PRDM6: variants seen among roughly 807,000 people sequenced by gnomAD.
PRDM6 encodes PR/SET domain 6.
A neutral mutation model predicts 60.8 loss-of-function variants in PRDM6; 25 were observed. That is an observed-to-expected ratio of 0.41 (90% CI 0.30 to 0.57). The LOEUF is 0.57. Among genes scored for constraint, PRDM6 ranks in the 20% least tolerant of loss-of-function variants. The pLI is 0.27. For missense variants in PRDM6, 839 were observed against 821.3 expected, an observed-to-expected ratio of 1.02 and a Z score of -0.26; for synonymous variants, 407 against 357.4, an observed-to-expected ratio of 1.14 and a Z score of -1.57.
chr5:123,126,643 T>C, intron 3 of PRDM6, among the ~76,000 whole-genome samples: 1 of 152,188 alleles, frequency 6.6e-6, no homozygotes, highest in East Asian at 1.9e-4. Flanking sequence ...TTTTGTCTGT[T>C]TAAGCAAGAT....
At chr5:123,150,081 A>G (rs71594332) in intron 3 of PRDM6, among the ~76,000 whole-genome samples, 3 of 152,156 alleles carry the variant, frequency 2.0e-5, no homozygotes, top group East Asian at 1.9e-4. Flanking sequence ...AAGGCTGGCT[A>G]TGTTCTTTGA....
intron 3 of PRDM6, among the ~76,000 whole-genome samples, chr5:123,141,774 AAAT>A (rs1469145248): frequency 1.3e-5 from 2 of 152,170 alleles, no homozygotes; most frequent in East Asian, 3.8e-4. Flanking sequence ...CACCAATAGA[AAAT>A]AATGATAATG....
At chr5:123,111,767 C>T (rs1386234638) in intron 3 of PRDM6, among the ~76,000 whole-genome samples, 6 of 151,836 alleles carry the variant, frequency 4.0e-5, no homozygotes, top group African/African-American at 1.2e-4. Context: ...TGGTTGTTTG[C>T]CCCGCTTCCT....
intron 3 of PRDM6, among the ~76,000 whole-genome samples, chr5:123,145,739 T>C (rs1025034070): frequency 3.3e-5 from 5 of 152,166 alleles, no homozygotes; most frequent in African/African-American, 1.2e-4. Context: ...TCTAAAAATA[T>C]GTTTTCTGTC....
chr5:123,187,631 C>G lies in PRDM6; in HGVS notation c.*430C>G, dbSNP rs1259722784. On this transcript the variant is annotated 3_prime_UTR_variant, in exon 8 of 8. Transcript: ENST00000407847. The stretch of plus-strand genomic sequence containing the variant: ...TGTTTCATGGGGACCCACTGTACAG[C>G]CCTTCATTCTGCTGTGTCAGTTTGG... The G allele has an allele frequency of 5.9e-6, 1 of 169,324 alleles. No individual in the cohort carries two copies. The highest frequency in any genetic ancestry group is 1.3e-5 in the Non-Finnish European group (1 of 78,270). The allele number at this position is 169,324 out of a possible 1,614,324, so 10.5% of individuals were successfully genotyped here.
chr5:123,119,434 A>G (rs2150216978), intron 3 of PRDM6, among the ~76,000 whole-genome samples: 1 of 152,320 alleles, frequency 6.6e-6, no homozygotes, highest in South Asian at 2.1e-4. Context: ...TCAGGCGCCC[A>G]CTGCAGGAAG....
At chr5:123,165,499 T>G (rs933384733) in intron 5 of PRDM6, among the ~76,000 whole-genome samples, 1 of 152,222 alleles carries the variant, frequency 6.6e-6, no homozygotes, top group Non-Finnish European at 1.5e-5. Context: ...CTTCACACTT[T>G]CTTTCTTTAG....
intron 3 of PRDM6, among the ~76,000 whole-genome samples, chr5:123,118,980 A>G (rs532977597): frequency 3.9e-5 from 6 of 152,250 alleles, no homozygotes; most frequent in African/African-American, 1.4e-4. Context: ...TCCTTCCACA[A>G]ATGGCACTGA....
At chr5:123,163,930 CAGAAAATAAAAAGTGGG>C (rs1765690072) in intron 5 of PRDM6, among the ~76,000 whole-genome samples, 2 of 152,172 alleles carry the variant, frequency 1.3e-5, no homozygotes, top group South Asian at 4.2e-4. Flanking sequence ...TTTTAAAGAG[CAGAAAATAAAAAGTGGG>C]ACCTCTTCAC....
intron 3 of PRDM6, among the ~76,000 whole-genome samples, chr5:123,123,587 A>C (rs1471568642): frequency 6.6e-6 from 1 of 152,224 alleles, no homozygotes; most frequent in East Asian, 1.9e-4. Context: ...CTTGGAATCC[A>C]CGTTTGCAAA....
intron 2 of PRDM6, among the ~76,000 whole-genome samples, chr5:123,094,485 C>G (rs1213578894): frequency 6.7e-6 from 1 of 150,364 alleles, no homozygotes; most frequent in Non-Finnish European, 1.5e-5. Context: ...AGCCTCATCC[C>G]ATAACACACA....
intron 3 of PRDM6, among the ~76,000 whole-genome samples, chr5:123,102,453 T>C (rs1764125076): frequency 6.6e-6 from 1 of 152,120 alleles, no homozygotes; most frequent in Non-Finnish European, 1.5e-5. Context: ...AATTTTCTTC[T>C]GAAATTTAAA....
rs749269971 is a variant in PRDM6 at position 123,099,998 on chromosome 5, A to AGGAGCCTTGGCCAGCAG, written c.900+50_900+66dup. On this transcript the variant is annotated intron_variant, in intron 3 of 7. Transcript: ENST00000407847. The surrounding 1 kb of genome is among the most constrained non-coding windows in gnomAD (Gnocchi z 4.0). Reference sequence around the variant, plus strand: ...GCTGCACAGCGCCTCCCCACCGAGCAGGAGCCTTGGCCAGCAGGGAGCCTT... The same window carrying AGGAGCCTTGGCCAGCAG: ...GCTGCACAGCGCCTCCCCACCGAGCAGGAGCCTTGGCCAGCAGGGAGCCTTGGCCAGCAGGGAGCCTT... 27 of 1,463,880 alleles carry AGGAGCCTTGGCCAGCAG rather than the reference A, an allele frequency of 1.8e-5. No individual in the cohort carries two copies. Among genetic ancestry groups the AGGAGCCTTGGCCAGCAG allele is most frequent in the Admixed American group, 2.4e-5 (1 of 42,406 alleles). 90.7% of individuals were successfully genotyped at this position (1,463,880 alleles called of 1,614,324 possible). A position where few individuals can be genotyped will look rare whatever the true frequency, so the allele number is the denominator to read the frequency against.
At chr5:123,164,158 GAACACATAA>G (rs36218166) in intron 5 of PRDM6, among the ~76,000 whole-genome samples, 11,870 of 152,210 alleles carry the variant, frequency 0.078, 490 homozygotes, top group Non-Finnish European at 0.088. Context: ...GTCTACAAGA[GAACACATAA>G]GCACATAACC....
intron 3 of PRDM6, among the ~76,000 whole-genome samples, chr5:123,119,641 G>A (rs1224528455): frequency 2.6e-5 from 4 of 152,164 alleles, no homozygotes; most frequent in Admixed American, 2.6e-4. Context: ...GTCTTTTTGG[G>A]TGGCCTCACA....
chr5:123,176,484 G>C (rs1766013987), intron 6 of PRDM6, among the ~76,000 whole-genome samples: 1 of 152,128 alleles, frequency 6.6e-6, no homozygotes, highest in Non-Finnish European at 1.5e-5. Context: ...GCCAAGTCAG[G>C]CAGATCACTT....
intron 3 of PRDM6, among the ~76,000 whole-genome samples, chr5:123,111,646 C>T (rs1258163605): frequency 6.6e-6 from 1 of 150,716 alleles, no homozygotes; most frequent in East Asian, 1.9e-4. Flanking sequence ...TGCAGTGATC[C>T]AAGATTGCAC....
chr5:123,129,780 T>C (rs1764779879), intron 3 of PRDM6, among the ~76,000 whole-genome samples: 3 of 152,218 alleles, frequency 2.0e-5, no homozygotes, highest in African/African-American at 7.2e-5. Flanking sequence ...TGTCTATAAA[T>C]ATTTCCTTTC....
At chr5:123,108,346 G>T (rs1053322680) in intron 3 of PRDM6, among the ~76,000 whole-genome samples, 1 of 152,040 alleles carries the variant, frequency 6.6e-6, no homozygotes, top group Non-Finnish European at 1.5e-5. Flanking sequence ...AGCACCAAGA[G>T]CTAAATATTG....
Sources: allele counts gnomAD v4.1 joint callset (sites outside exome capture counted in the v4.1 genomes callset), GRCh38; gene constraint gnomAD v4.1.1; non-coding constraint Gnocchi (gnomAD v3.1); transcripts MANE v1.5; gene names NCBI Gene and HGNC (gene_info 2026-07-23, HGNC 2026-07-21).